OXCT1: variants seen among roughly 807,000 people sequenced by gnomAD.
OXCT1 encodes the protein succinyl-CoA:3-ketoacid coenzyme A transferase 1, mitochondrial.
In OXCT1, 27 loss-of-function variants were observed where a neutral mutation model predicts 69.6. That is an observed-to-expected ratio of 0.39 (90% confidence interval 0.29 to 0.54). The LOEUF is 0.54. Among genes scored for constraint, OXCT1 ranks in the 20% least tolerant of loss-of-function variants. The pLI is 0.72. For missense variants in OXCT1, 437 were observed against 650.2 expected (o/e 0.67, Z 3.57); for synonymous variants, 202 against 217.8 (o/e 0.93, Z 0.64).
At chr5:41,755,259 T>C (rs1045716039) in intron 14 of OXCT1, among the ~76,000 whole-genome samples, 9 of 152,100 alleles carry the variant, frequency 5.9e-5, no homozygotes, top group African/African-American at 1.9e-4. Context: ...GTTGTTGGAC[T>C]GTGTTCTGCT....
intron 15 of OXCT1, among the ~76,000 whole-genome samples, chr5:41,742,636 C>A (rs1743229783): frequency 6.6e-6 from 1 of 151,966 alleles, no homozygotes; most frequent in African/African-American, 2.4e-5. Flanking sequence ...TTCCCCTGCC[C>A]CCCACCCCAC....
At chr5:41,841,445 C>T (rs1748622848) in intron 6 of OXCT1, among the ~76,000 whole-genome samples, 1 of 152,064 alleles carries the variant, frequency 6.6e-6, no homozygotes, top group Non-Finnish European at 1.5e-5. Context: ...GTCCCAAGTC[C>T]CCCACTTGAA....
chr5:41,850,218 C>T (rs751074325), intron 4 of OXCT1, 39 bp from the exon 5 acceptor site: 1 of 1,610,620 alleles, frequency 6.2e-7, no homozygotes, highest in Non-Finnish European at 8.5e-7. Context: ...GTTCACTAAG[C>T]ACACTTCTCT....
chr5:41,868,595 C>T (rs953517698), intron 1 of OXCT1, among the ~76,000 whole-genome samples: 3 of 150,946 alleles, frequency 2.0e-5, no homozygotes, highest in Non-Finnish European at 4.5e-5. Context: ...TAGTGGCGGG[C>T]GCCTGTAGTC....
At chr5:41,799,160 G>A (rs900931264) in intron 11 of OXCT1, among the ~76,000 whole-genome samples, 1 of 152,050 alleles carries the variant, frequency 6.6e-6, no homozygotes, top group East Asian at 1.9e-4. Flanking sequence ...ATTATATCCA[G>A]AAACATAACT....
chr5:41,779,996 A>G (rs1388583004), intron 13 of OXCT1, among the ~76,000 whole-genome samples: 1 of 152,198 alleles, frequency 6.6e-6, no homozygotes, highest in Non-Finnish European at 1.5e-5. Context: ...ATTTGAATTT[A>G]CAAATGTAGA....
chr5:41,780,906 ATTT>A (rs879407845), intron 13 of OXCT1, among the ~76,000 whole-genome samples: 2 of 141,538 alleles, frequency 1.4e-5, no homozygotes. Flanking sequence ...TGTCTCCCAC[ATTT>A]TTTTTTTTTT....
At position 41,731,779 on chromosome 5, in the gene OXCT1, A is replaced by T. The variant is rs764713989; in HGVS notation, c.1522-9T>A. 1.2e-6 allele frequency: 2 copies of T among 1,607,030 alleles called. No individual in the cohort carries two copies. Among genetic ancestry groups the T allele is most frequent in the South Asian group, 2.2e-5 (2 of 89,672 alleles). On this transcript the variant is annotated splice_polypyrimidine_tract_variant and intron_variant, in intron 16 of 16. Coordinates refer to ENST00000196371, the MANE Select transcript of OXCT1 (RefSeq NM_000436.4). Reference sequence around the variant, plus strand: ...ATGAGTTTTGGTGAAACCTGGTAAAAGAGGAAAAAAAAATCAAATTATGAA... The same window carrying T: ...ATGAGTTTTGGTGAAACCTGGTAAATGAGGAAAAAAAAATCAAATTATGAA...
intron 9 of OXCT1, among the ~76,000 whole-genome samples, chr5:41,805,039 T>C (rs1287590859): frequency 2.6e-5 from 4 of 152,128 alleles, no homozygotes; most frequent in Non-Finnish European, 5.9e-5. Flanking sequence ...CTACTCTACC[T>C]CTTTTTTTGA....
intron 13 of OXCT1, among the ~76,000 whole-genome samples, chr5:41,764,725 G>A (rs771920317): frequency 1.3e-5 from 2 of 152,062 alleles, no homozygotes; most frequent in Admixed American, 6.6e-5. Context: ...GGATGAGTGA[G>A]TGGATGAATG....
Position 41,809,112 on chromosome 5 carries a change from AAG to A in OXCT1, c.733-1676_733-1675del, listed in dbSNP as rs372496611. ...CATAATTTCATGTTTCATAAAATGCAAGATTTTGTATAAGTAAATAAAAATTT... is the reference window on the plus strand; with the variant it reads ...CATAATTTCATGTTTCATAAAATGCAATTTTGTATAAGTAAATAAAAATTT... On this transcript the variant is annotated intron_variant, in intron 7 of 16. Coordinates refer to ENST00000196371, the MANE Select transcript of OXCT1 (RefSeq NM_000436.4). Among the ~76,000 whole-genome samples, 443 of 152,182 alleles carry A rather than the reference AAG, an allele frequency of 2.9e-3. 2 individuals are homozygous for A. The highest frequency in any genetic ancestry group is 0.01 in the African/African-American group (424 of 41,544).
intron 7 of OXCT1, among the ~76,000 whole-genome samples, chr5:41,819,922 T>C (rs1031492251): frequency 1.5e-4 from 23 of 152,108 alleles, no homozygotes; most frequent in African/African-American, 4.8e-4. Context: ...CTTTTTCTAG[T>C]CTACTAACTA....
At chr5:41,794,804 C>G (rs958537199) in intron 11 of OXCT1, 55 bp from the exon 12 acceptor site, 1 of 1,573,272 alleles carries the variant, frequency 6.4e-7, no homozygotes, top group South Asian at 1.1e-5. Flanking sequence ...CTAAGAGTAT[C>G]ATGGTGAACA....
chr5:41,803,759 G>A (rs1022348328), intron 9 of OXCT1, among the ~76,000 whole-genome samples: 20 of 152,040 alleles, frequency 1.3e-4, no homozygotes, highest in Admixed American at 1.2e-3. Context: ...TGAGCTCATC[G>A]ATAAAGGAGC....
intron 13 of OXCT1, among the ~76,000 whole-genome samples, chr5:41,779,526 T>G (rs917703670): frequency 1.3e-5 from 2 of 152,100 alleles, no homozygotes; most frequent in Non-Finnish European, 2.9e-5. Context: ...GTAATCTGTA[T>G]AAGGTCACAA....
chr5:41,804,831 C>T (rs1231931254), intron 9 of OXCT1, among the ~76,000 whole-genome samples: 3 of 152,078 alleles, frequency 2.0e-5, no homozygotes, highest in Non-Finnish European at 4.4e-5. Context: ...CTCATTCTTT[C>T]TGTCCTAGGT....
intron 15 of OXCT1, among the ~76,000 whole-genome samples, chr5:41,743,818 T>C (rs1743323347): frequency 6.6e-6 from 1 of 152,210 alleles, no homozygotes; most frequent in South Asian, 2.1e-4. Flanking sequence ...CTGAGGGCTC[T>C]GTTCTGTTCC....
intron 14 of OXCT1, among the ~76,000 whole-genome samples, chr5:41,760,834 TTACTC>T (rs1744311416): frequency 6.6e-6 from 1 of 152,106 alleles, no homozygotes; most frequent in Non-Finnish European, 1.5e-5. Context: ...CTCCCACTGT[TTACTC>T]AATTTATGAT....
chr5:41,843,724 T>C, intron 5 of OXCT1: 1 of 306,816 alleles, frequency 3.3e-6, no homozygotes, highest in Non-Finnish European at 6.7e-6. Flanking sequence ...ACAGACTAAG[T>C]GCGTTTTACA....
Sources: allele counts gnomAD v4.1 joint callset (sites outside exome capture counted in the v4.1 genomes callset), GRCh38; gene constraint gnomAD v4.1.1; transcripts MANE v1.5; gene names NCBI Gene and HGNC (gene_info 2026-07-23, HGNC 2026-07-21).